Variants in TLCD4 observed in about 807,000 individuals in gnomAD.
TLCD4 encodes the protein TLC domain containing 4, also known as TLC domain-containing protein 4.
TLCD4 carries 7 observed loss-of-function variants against 24.2 expected under a neutral mutation model. The observed-to-expected ratio is 0.29, with a 90% CI of 0.16 to 0.54. The LOEUF (loss-of-function observed/expected upper bound fraction) is 0.54, where lower values mean the gene tolerates loss of function less well. Ranked by LOEUF, TLCD4 falls within the 20% of genes least tolerant of loss-of-function variation. The probability of loss-of-function intolerance (pLI) is 0.95; values close to 1 mark genes in which losing one functional copy is unlikely to be tolerated. For missense variants in TLCD4, 259 were observed against 313.9 expected (o/e 0.82, Z 1.32); for synonymous variants, 103 against 106.4 (o/e 0.97, Z 0.20).
At chr1:95,179,345 G>A (rs1369423345) in intron 6 of TLCD4, among the ~76,000 whole-genome samples, 2 of 152,204 alleles carry the variant, frequency 1.3e-5, no homozygotes, top group South Asian at 2.1e-4. Context: ...GGCAAACCAT[G>A]CATGGCTCAT....
At chr1:95,163,830 T>C (rs1677914454) in intron 5 of TLCD4, 1 of 153,232 alleles carries the variant, frequency 6.5e-6, no homozygotes. Flanking sequence ...TATTGCAGAA[T>C]GGCCAATGTT....
intron 6 of TLCD4, among the ~76,000 whole-genome samples, chr1:95,185,276 T>C (rs1303408625): frequency 6.6e-6 from 1 of 152,072 alleles, no homozygotes; most frequent in Non-Finnish European, 1.5e-5. Context: ...GAAGGGGAAC[T>C]TGGTAGAACA....
intron 6 of TLCD4, among the ~76,000 whole-genome samples, chr1:95,183,920 G>A (rs1406718977): frequency 6.6e-6 from 1 of 151,944 alleles, no homozygotes; most frequent in Non-Finnish European, 1.5e-5. Flanking sequence ...ATATAATGAA[G>A]GAATAATTTA....
intron 5 of TLCD4, among the ~76,000 whole-genome samples, chr1:95,162,625 T>G (rs1463725420): frequency 6.6e-6 from 1 of 152,236 alleles, no homozygotes; most frequent in African/African-American, 2.4e-5. Flanking sequence ...GGCATGTTTT[T>G]GCAGTGGTTA....
chr1:95,157,024 A>G (rs1352326910), intron 5 of TLCD4, among the ~76,000 whole-genome samples: 2 of 152,188 alleles, frequency 1.3e-5, no homozygotes, highest in African/African-American at 4.8e-5. Context: ...AGTGGTTTCC[A>G]AAAGCAATAT....
At chr1:95,143,853 A>G in intron 1 of TLCD4, 38 bp from the exon 2 acceptor site, 1 of 1,330,342 alleles carries the variant, frequency 7.5e-7, no homozygotes, top group Non-Finnish European at 9.7e-7. Flanking sequence ...TAGGTTTATT[A>G]TGAGACAACA....
chr1:95,195,628 C>T lies in TLCD4; in HGVS notation c.*3760C>T, dbSNP rs1679179106. 6.6e-6 allele frequency: 1 copy of T among 152,166 alleles called. No individual in the cohort carries two copies. The highest frequency in any genetic ancestry group is 6.5e-5 in the Admixed American group (1 of 15,274). 9.4% of individuals were successfully genotyped at this position (152,166 alleles called of 1,614,324 possible). ...TGTTTCTCAGGTGCGAGCCAGCATA[C>T]AGCGAGACCCTTCATGTGTCTCTGG... On this transcript the variant is annotated 3_prime_UTR_variant, in exon 7 of 7. Coordinates refer to ENST00000370203, the MANE Select transcript of TLCD4 (RefSeq NM_152487.3).
rs570092606 is a variant in TLCD4 at position 95,196,405 on chromosome 1, T to C, written c.*4537T>C. The C allele has an allele frequency of 3.3e-5, 5 of 152,328 alleles. No individual in the cohort carries two copies. The East Asian group carries it at 5.8e-4, about 18-fold the overall frequency. 9.4% of individuals were successfully genotyped at this position (152,328 alleles called of 1,614,324 possible). ...GGTAATGTTTCTTTGAAAACAAATT[T>C]ACCAGCAACTGCGTTACTTGGTGTT... On this transcript the variant is annotated 3_prime_UTR_variant, in exon 7 of 7. Transcript: ENST00000370203.
At chr1:95,127,101 C>T (rs2100909353) in intron 1 of TLCD4, among the ~76,000 whole-genome samples, 1 of 152,338 alleles carries the variant, frequency 6.6e-6, no homozygotes, top group East Asian at 1.9e-4. Flanking sequence ...AAAGAACCCG[C>T]AGGTCACAGA....
rs1679236072 is a variant in TLCD4 at position 95,197,400 on chromosome 1, C to T, written c.*5532C>T. The T allele has an allele frequency of 6.6e-6, 1 of 152,100 alleles. No individual in the cohort carries two copies. The highest frequency in any genetic ancestry group is 6.6e-5 in the Admixed American group (1 of 15,256). The allele number at this position is 152,100 out of a possible 1,614,324, so 9.4% of individuals were successfully genotyped here. On this transcript the variant is annotated 3_prime_UTR_variant, in exon 7 of 7. Transcript: ENST00000370203. ...TATGCAAGTTCTAAGCAATAATCTG[C>T]ATGTTATACAAGGTTGACATATTTT...
chr1:95,152,088 G>T (rs887989537), intron 5 of TLCD4, among the ~76,000 whole-genome samples: 3 of 151,924 alleles, frequency 2.0e-5, no homozygotes, highest in African/African-American at 4.8e-5. Flanking sequence ...CATAAAGATG[G>T]TTGCTTTTTT....
At chr1:95,188,389 G>GGA (rs1678906249) in intron 6 of TLCD4, among the ~76,000 whole-genome samples, 2 of 104,552 alleles carry the variant, frequency 1.9e-5, no homozygotes, top group South Asian at 3.5e-4. Context: ...CTCCGTCTCA[G>GGA]AAAAAAAAAA....
At chr1:95,093,935 T>C in the TLCD4 span, among the ~76,000 whole-genome samples, 2 of 152,200 alleles carry the variant, frequency 1.3e-5, no homozygotes, top group Non-Finnish European at 2.9e-5. Flanking sequence ...CCCTGTGCAA[T>C]GTGACTTTTC....
At chr1:95,112,434 C>T (rs1283440917), upstream of TLCD4, among the ~76,000 whole-genome samples, 1 of 152,124 alleles carries the variant, frequency 6.6e-6, no homozygotes, top group Non-Finnish European at 1.5e-5. Flanking sequence ...ATAAAAAAGA[C>T]TGCTTGGTAT....
At chr1:95,144,626 A>G (rs548558180) in intron 2 of TLCD4, among the ~76,000 whole-genome samples, 3 of 151,866 alleles carry the variant, frequency 2.0e-5, no homozygotes, top group Admixed American at 2.0e-4. Flanking sequence ...AAGTAAATGG[A>G]GAAAGAATTA....
intron 1 of TLCD4, chr1:95,138,292 G>A (rs1677103341): frequency 6.6e-6 from 1 of 152,150 alleles, no homozygotes; most frequent in Non-Finnish European, 1.5e-5. Context: ...CCTGGCTCAT[G>A]GTGGACCAGA....
the TLCD4 span, among the ~76,000 whole-genome samples, chr1:95,095,664 T>C: frequency 6.6e-6 from 1 of 152,328 alleles, no homozygotes; most frequent in Non-Finnish European, 1.5e-5. Context: ...CCCAAAGTGC[T>C]GGGATTACAG....
chr1:95,105,617 C>T, the TLCD4 span, among the ~76,000 whole-genome samples: 2 of 152,064 alleles, frequency 1.3e-5, no homozygotes, highest in African/African-American at 2.4e-5. Context: ...AGTGCATGGC[C>T]GGGCGCGGTG....
rs773910522 is a variant in TLCD4 at position 95,150,247 on chromosome 1, C to T, written c.285C>T (p.Ala95=). Residue 95 remains alanine (A), a synonymous_variant, in exon 4 of 7, where the codon GCC becomes GCT. Transcript: ENST00000370203. ...PSLANVNIAI[A]SGYLISDLSI... is the part of the protein sequence containing the mutation. ...TTGCAAACGTGAATATTGCTATTGC[C>T]TCAGGCTACCTCATTTCTGGTATGT... The T allele has an allele frequency of 5.0e-6, 8 of 1,609,598 alleles. No individual in the cohort carries two copies. In the African/African-American group the frequency reaches 9.4e-5, roughly 19 times the overall value.
Sources: allele counts gnomAD v4.1 joint callset (sites outside exome capture counted in the v4.1 genomes callset), GRCh38; gene constraint gnomAD v4.1.1; transcripts MANE v1.5; gene names NCBI Gene and HGNC (gene_info 2026-07-23, HGNC 2026-07-21).